Variants in LPAR1 observed in about 807,000 individuals in gnomAD.
LPAR1 encodes LPA receptor 1.
A neutral mutation model predicts 23.8 loss-of-function variants in LPAR1; 5 were observed. The observed-to-expected ratio is 0.21, with a 90% CI of 0.11 to 0.44. LPAR1 has a LOEUF of 0.44. LPAR1 is among the 20% of genes least tolerant of loss of function. The pLI, the probability that LPAR1 is intolerant of heterozygous loss-of-function variation, is 0.99. For missense variants in LPAR1, 311 were observed against 482.8 expected, an observed-to-expected ratio of 0.64 and a Z score of 3.33; for synonymous variants, 160 against 164.7, an observed-to-expected ratio of 0.97 and a Z score of 0.22.
At chr9:110,966,423 G>T (rs778581567) in intron 4 of LPAR1, among the ~76,000 whole-genome samples, 7 of 150,530 alleles carry the variant, frequency 4.7e-5, no homozygotes, top group Middle Eastern at 3.4e-3. Flanking sequence ...AGGTTGTGGC[G>T]AGCCAAGATC....
intron 5 of LPAR1, among the ~76,000 whole-genome samples, chr9:110,919,011 T>C (rs2093419935): frequency 6.6e-6 from 1 of 152,174 alleles, no homozygotes; most frequent in Admixed American, 6.5e-5. Flanking sequence ...ACCTGTAACT[T>C]GCTTCTAGCC....
chr9:110,946,162 C>T (rs567460148), intron 4 of LPAR1, among the ~76,000 whole-genome samples: 1 of 152,034 alleles, frequency 6.6e-6, no homozygotes, highest in Admixed American at 6.5e-5. Context: ...GGAAATTCAC[C>T]CAACACTCAG....
intron 2 of LPAR1, among the ~76,000 whole-genome samples, chr9:111,006,542 A>G (rs992272176): frequency 2.0e-5 from 3 of 152,202 alleles, no homozygotes; most frequent in African/African-American, 7.2e-5. Context: ...CATGGTAATT[A>G]CATATTCAAA....
intron 2 of LPAR1, among the ~76,000 whole-genome samples, chr9:111,021,966 A>C (rs1431182847): frequency 1.6e-4 from 7 of 43,228 alleles, no homozygotes; most frequent in Admixed American, 4.6e-4. Context: ...TCCGTCACAA[A>C]AAAAAAAAAA....
intron 5 of LPAR1, among the ~76,000 whole-genome samples, chr9:110,940,563 A>G (rs530461170): frequency 6.6e-6 from 1 of 152,356 alleles, no homozygotes; most frequent in South Asian, 2.1e-4. Context: ...TAACCTGAAT[A>G]TAGTCTATGG....
intron 2 of LPAR1, among the ~76,000 whole-genome samples, chr9:111,035,489 G>C (rs2097877156): frequency 6.6e-6 from 1 of 152,144 alleles, no homozygotes; most frequent in Non-Finnish European, 1.5e-5. Flanking sequence ...CTCCCAAAGT[G>C]TTGAGATTAC....
At chr9:111,005,221 A>G (rs1453458955) in intron 2 of LPAR1, among the ~76,000 whole-genome samples, 1 of 142,166 alleles carries the variant, frequency 7.0e-6, no homozygotes, top group Non-Finnish European at 1.6e-5. Flanking sequence ...TCTCTCTCCA[A>G]TTTAACCTCC....
intron 2 of LPAR1, among the ~76,000 whole-genome samples, chr9:111,032,166 ATTC>A (rs1321848582): frequency 6.6e-6 from 1 of 152,204 alleles, no homozygotes; most frequent in African/African-American, 2.4e-5. Flanking sequence ...ATCAGTTCTT[ATTC>A]TTATTTTCCA....
intron 4 of LPAR1, among the ~76,000 whole-genome samples, chr9:110,968,471 T>C (rs1027960716): frequency 2.0e-5 from 3 of 152,106 alleles, no homozygotes; most frequent in Admixed American, 6.6e-5. Flanking sequence ...CTTGGGACAC[T>C]TGACATTCAC....
At chr9:110,939,810 A>G (rs1166201216) in intron 5 of LPAR1, among the ~76,000 whole-genome samples, 1 of 152,230 alleles carries the variant, frequency 6.6e-6, no homozygotes, top group Non-Finnish European at 1.5e-5. Flanking sequence ...TATGAGTAGC[A>G]CTTGTCGTAA....
At chr9:110,965,058 A>G (rs2096161381) in intron 4 of LPAR1, among the ~76,000 whole-genome samples, 1 of 151,916 alleles carries the variant, frequency 6.6e-6, no homozygotes, top group South Asian at 2.1e-4. Context: ...TTCAGTAGAG[A>G]CGGGGTTTCA....
intron 2 of LPAR1, among the ~76,000 whole-genome samples, chr9:110,978,921 G>A (rs937270480): frequency 1.2e-4 from 19 of 152,190 alleles, no homozygotes; most frequent in Non-Finnish European, 2.8e-4. Flanking sequence ...TGGGGTGGTT[G>A]TGGGGAGAGG....
chr9:110,885,720 T>A (rs4469538), intron 5 of LPAR1, among the ~76,000 whole-genome samples: 1 of 152,234 alleles, frequency 6.6e-6, no homozygotes, highest in Non-Finnish European at 1.5e-5. Context: ...AATTCTTGTC[T>A]TCTGATTTCT....
chr9:110,892,859 AGG>A (rs1329576786), intron 5 of LPAR1, among the ~76,000 whole-genome samples: 1,146 of 113,344 alleles, frequency 0.01, 66 homozygotes, highest in African/African-American at 0.017. Flanking sequence ...GCAGGCAGGC[AGG>A]CAGGCATGCA....
At chr9:110,888,076 C>G (rs2082894926) in intron 5 of LPAR1, among the ~76,000 whole-genome samples, 1 of 152,064 alleles carries the variant, frequency 6.6e-6, no homozygotes, top group Non-Finnish European at 1.5e-5. Flanking sequence ...CTACAGTAAG[C>G]CTTAATGGAG....
At chr9:110,897,408 A>G (rs533810048) in intron 5 of LPAR1, among the ~76,000 whole-genome samples, 4 of 152,292 alleles carry the variant, frequency 2.6e-5, no homozygotes, top group African/African-American at 2.4e-5. Flanking sequence ...ATGTTGAACC[A>G]TAAGTCCAAT....
rs147609055 is a variant in LPAR1, at chr9:110,962,040, T to C, written c.45+10033A>G. On this transcript the variant is annotated intron_variant, in intron 4 of 5. Coordinates refer to ENST00000683809, the MANE Select transcript of LPAR1 (RefSeq NM_001351411.2). ...TCACAATCATTTGCCACCTTGTTTC[T>C]CCTGCCTTTTCTTCCTCCACTGCCA... 1.1e-4 allele frequency among the ~76,000 whole-genome samples: 17 copies of C among 152,358 alleles called. No individual in the cohort carries two copies. The East Asian group carries it at 3.1e-3, about 28-fold the overall frequency.
chr9:110,888,035 T>C (rs942674458), intron 5 of LPAR1, among the ~76,000 whole-genome samples: 2 of 152,250 alleles, frequency 1.3e-5, no homozygotes, highest in African/African-American at 4.8e-5. Context: ...TTAGGTATTC[T>C]GGCTTTACTG....
At chr9:111,024,213 G>A (rs1380844742) in intron 2 of LPAR1, among the ~76,000 whole-genome samples, 7 of 151,814 alleles carry the variant, frequency 4.6e-5, no homozygotes, top group Non-Finnish European at 1.0e-4. Flanking sequence ...AGATGCAACT[G>A]GCCAGATAAA....
Sources: allele counts gnomAD v4.1 joint callset (sites outside exome capture counted in the v4.1 genomes callset), GRCh38; gene constraint gnomAD v4.1.1; transcripts MANE v1.5; gene names NCBI Gene and HGNC (gene_info 2026-07-23, HGNC 2026-07-21).